Variants in ZNF835 observed in about 807,000 individuals in gnomAD.
The protein encoded by ZNF835 is zinc finger protein 835.
For synonymous variants in ZNF835, 323 were observed against 324.7 expected, an observed-to-expected ratio of 0.99 and a Z score of 0.06; for missense variants, 783 against 758.4, an observed-to-expected ratio of 1.03 and a Z score of -0.38.
At position 56,663,526 on chromosome 19, in the gene ZNF835, G is replaced by T; in HGVS notation, c.*59C>A. ...CCTCGGTTTCCTCACAGGAAGCGTC[G>T]GGGATAACACAGTATCTCCCCCATA... On this transcript the variant is annotated 3_prime_UTR_variant, in exon 2 of 2. Coordinates refer to ENST00000537055, the MANE Select transcript of ZNF835 (RefSeq NM_001005850.3). The T allele has an allele frequency of 1.2e-6, 2 of 1,601,872 alleles. No homozygotes were observed. Among genetic ancestry groups the T allele is most frequent in the Non-Finnish European group, 8.5e-7 (1 of 1,174,854 alleles).
intron 1 of ZNF835, among the ~76,000 whole-genome samples, chr19:56,670,984 G>A (rs969074074): frequency 6.6e-6 from 1 of 152,272 alleles, no homozygotes; most frequent in Non-Finnish European, 1.5e-5. Flanking sequence ...CACCGATAAA[G>A]TGTTACATGC....
At position 56,664,774 on chromosome 19, in the gene ZNF835, T is replaced by C. The variant is rs754243405; in HGVS notation, c.425A>G (p.Glu142Gly). Reference sequence around the variant, plus strand: ...GCTCTGGCTGAAGGCCTTGCCGCACTCGGGGCACGCAAATGGCTTCTCCCC... The same window carrying C: ...GCTCTGGCTGAAGGCCTTGCCGCACCCGGGGCACGCAAATGGCTTCTCCCC... ...HTGEKPFACP[E>G]CGKAFSQSVH... Residue 142 changes from glutamate to glycine, a missense_variant, in exon 2 of 2, where the codon GAG becomes GGG. Physicochemically the swap from Glu to Gly is moderately conservative, Grantham distance 98. Transcript: ENST00000537055. 1 of 1,613,964 alleles carries C rather than the reference T, an allele frequency of 6.2e-7. No individual in the cohort carries two copies. Among genetic ancestry groups the C allele is most frequent in the Non-Finnish European group, 8.5e-7 (1 of 1,179,992 alleles).
At position 56,663,298 on chromosome 19, in the gene ZNF835, G is replaced by T; in HGVS notation, c.*287C>A. The T allele has an allele frequency of 2.1e-6, 1 of 472,664 alleles. No individual in the cohort carries two copies. Among genetic ancestry groups the T allele is most frequent in the Non-Finnish European group, 3.8e-6 (1 of 262,802 alleles). 29.3% of individuals were successfully genotyped at this position (472,664 alleles called of 1,614,324 possible). On this transcript the variant is annotated 3_prime_UTR_variant, in exon 2 of 2. Transcript: ENST00000537055. ...CGCTCCACTGCACTCTAGCCTGGGT[G>T]ACAGAGAGAGACACTGTCTCAAAGA...
In ZNF835 at chr19:56,665,090, G is replaced by C; in HGVS notation, c.109C>G (p.Pro37Ala). Residue 37 changes from proline to alanine, a missense_variant, in exon 2 of 2, where the codon CCA (proline) becomes GCA (alanine). Physicochemically the swap from Pro to Ala is conservative, Grantham distance 27 (BLOSUM62 -1). Transcript: ENST00000537055. The part of the protein sequence containing the change: ...LQENQESCPE[P>A]EAVACKGDPA... ...TCTCCCTTGCAGGCCACGGCCTCTG[G>C]CTCTGGACAGCTTTCCTGGTTTTCC... is the stretch of plus-strand genomic sequence containing the variant. The C allele has an allele frequency of 1.2e-6, 2 of 1,613,964 alleles. No homozygotes were observed. The highest frequency in any genetic ancestry group is 1.7e-6 in the Non-Finnish European group (2 of 1,179,878).
At chr19:56,667,449 A>C (rs2045255670) in intron 1 of ZNF835, among the ~76,000 whole-genome samples, 1 of 152,118 alleles carries the variant, frequency 6.6e-6, no homozygotes. Flanking sequence ...ACCTGCTCTG[A>C]GGCTCTGCCT....
intron 1 of ZNF835, among the ~76,000 whole-genome samples, chr19:56,669,392 C>T (rs922476251): frequency 2.6e-5 from 4 of 152,084 alleles, no homozygotes; most frequent in East Asian, 1.9e-4. Flanking sequence ...CACTGGCCAT[C>T]GGTGATGAAC....
Position 56,664,149 on chromosome 19 carries a change from C to A in ZNF835, c.1050G>T (p.Thr350=). The change falls in exon 2 of 2, where the codon ACG becomes ACT. Residue 350 remains threonine, a synonymous_variant. Coordinates refer to ENST00000537055, the MANE Select transcript of ZNF835 (RefSeq NM_001005850.3). ...CTCCGGTGTGCGTGCGCTGGTGCTGCGTCAGGTGCGACACCTGGGTGAAGG... is the reference window on the plus strand; with the variant it reads ...CTCCGGTGTGCGTGCGCTGGTGCTGAGTCAGGTGCGACACCTGGGTGAAGG... The part of the protein sequence containing the change: ...AKAFTQVSHL[T]QHQRTHTGER... The A allele has an allele frequency of 6.2e-7, 1 of 1,607,528 alleles. No homozygotes were observed. Among genetic ancestry groups the A allele is most frequent in the South Asian group, 1.1e-5 (1 of 90,850 alleles).
intron 1 of ZNF835, among the ~76,000 whole-genome samples, chr19:56,667,974 C>CTTT (rs767163861): frequency 1.3e-5 from 2 of 152,190 alleles, no homozygotes; most frequent in Admixed American, 6.5e-5. Context: ...TTCTTTCTTT[C>CTTT]TTTTTTTGTT....
rs370721788 is a variant in ZNF835, at chr19:56,663,994, A to G, written c.1205T>C (p.Val402Ala). The G allele has an allele frequency of 9.3e-6, 15 of 1,609,944 alleles. No homozygotes were observed. The African/African-American group carries it at 1.9e-4, about 20-fold the overall frequency. The change falls in exon 2 of 2, where the codon GTG becomes GCG. Residue 402 changes from valine to alanine, a missense_variant. Val to Ala is a moderately conservative substitution (Grantham distance 64). Coordinates refer to ENST00000537055, the MANE Select transcript of ZNF835 (RefSeq NM_001005850.3). The stretch of plus-strand genomic sequence containing the variant: ...CTTCTGGTGCTCTATAAGCGAGGAC[A>G]CGTGGCTGAAGGCGGCCCCGCATTG... Reference protein sequence around the residue: ...CLQCGAAFSHVSSLIEHQKIH... With the variant: ...CLQCGAAFSHASSLIEHQKIH...
chr19:56,669,312 C>T (rs774070258), intron 1 of ZNF835, among the ~76,000 whole-genome samples: 9 of 152,114 alleles, frequency 5.9e-5, no homozygotes, highest in Admixed American at 2.0e-4. Flanking sequence ...CCCCAGAGCT[C>T]GGCAAACCCT....
Position 56,665,404 on chromosome 19 carries a change from CTG to C in ZNF835, c.-47-161_-47-160del, listed in dbSNP as rs773410022. The C allele has an allele frequency of 6.3e-6, 5 of 790,216 alleles. No individual in the cohort carries two copies. The South Asian group carries it at 6.7e-5, about 11-fold the overall frequency. The allele number at this position is 790,216 out of a possible 1,614,324, so 49.0% of individuals were successfully genotyped here. ...ATAATTTGGTGTGGTGGGACCCATC[CTG>C]TGTGTTGTGAGATGTTGAGCAGCGT... On this transcript the variant is annotated intron_variant, in intron 1 of 1. Transcript: ENST00000537055.
Position 56,663,996 on chromosome 19 carries a change from G to A in ZNF835, c.1203C>T (p.His401=), listed in dbSNP as rs375191518. ...RCLQCGAAFS[H]VSSLIEHQKI... ...TCTGGTGCTCTATAAGCGAGGACAC[G>A]TGGCTGAAGGCGGCCCCGCATTGCA... The change falls in exon 2 of 2, where the codon CAC becomes CAT. Residue 401 remains histidine, a synonymous_variant. Transcript: ENST00000537055. The A allele has an allele frequency of 2.2e-5, 35 of 1,612,046 alleles. No homozygotes were observed. The highest frequency in any genetic ancestry group is 1.3e-5 in the African/African-American group (1 of 74,738).
Position 56,664,845 on chromosome 19 carries a change from G to A in ZNF835, c.354C>T (p.Ala118=). 1 of 1,613,834 alleles carries A rather than the reference G, an allele frequency of 6.2e-7. No homozygotes were observed. The highest frequency in any genetic ancestry group is 8.5e-7 in the Non-Finnish European group (1 of 1,179,822). The part of the protein sequence containing the change: ...KPWKCGDCGK[A]FSYCSAFILH... ...AGATGAACGCTGAACAGTAGCTGAA[G>A]GCCTTCCCGCAGTCCCCGCATTTCC... The change falls in exon 2 of 2, where the codon GCC becomes GCT. Residue 118 remains alanine, a synonymous_variant. Coordinates refer to ENST00000537055, the MANE Select transcript of ZNF835 (RefSeq NM_001005850.3).
At chr19:56,666,250 G>A (rs1600632015) in intron 1 of ZNF835, among the ~76,000 whole-genome samples, 1 of 152,154 alleles carries the variant, frequency 6.6e-6, no homozygotes, top group East Asian at 1.9e-4. Context: ...GGGACTACAG[G>A]TGCACGCCAC....
intron 1 of ZNF835, among the ~76,000 whole-genome samples, chr19:56,668,983 C>T (rs1278336828): frequency 6.6e-6 from 1 of 152,054 alleles, no homozygotes; most frequent in Non-Finnish European, 1.5e-5. Context: ...CAAGGGGAGA[C>T]ACAGGCTTGC....
intron 1 of ZNF835, among the ~76,000 whole-genome samples, chr19:56,668,866 G>A (rs546777593): frequency 5.9e-4 from 90 of 152,222 alleles, no homozygotes; most frequent in Admixed American, 2.0e-3. Context: ...CACGTCCACC[G>A]GCATCCCCGG....
In ZNF835 at chr19:56,671,609, G is replaced by C. The variant is rs2045294375; in HGVS notation, c.-81C>G. 6.6e-6 allele frequency: 1 copy of C among 152,470 alleles called. No homozygotes were observed. Among genetic ancestry groups the C allele is most frequent in the Non-Finnish European group, 1.5e-5 (1 of 68,264 alleles). 9.4% of individuals were successfully genotyped at this position (152,470 alleles called of 1,614,324 possible). On this transcript the variant is annotated 5_prime_UTR_variant, in exon 1 of 2. Transcript: ENST00000537055. The stretch of plus-strand genomic sequence containing the variant: ...TCGCCTCCCGGTATCACCTTCGAAC[G>C]CGCTGGCCGGCCCCCTCCTAGCCTG...
In ZNF835 at chr19:56,662,316, A is replaced by T. The variant is rs1241020901; in HGVS notation, c.*1269T>A. 2 of 152,260 alleles carry T rather than the reference A, an allele frequency of 1.3e-5. No homozygotes were observed. The highest frequency in any genetic ancestry group is 2.9e-5 in the Non-Finnish European group (2 of 68,060). The allele number at this position is 152,260 out of a possible 1,614,324, so 9.4% of individuals were successfully genotyped here. ...CAGACCAAGCCTGGTCCAGACCAACAGAACCAGCAGCTGACCTCCAGATGC... is the reference window on the plus strand; with the variant it reads ...CAGACCAAGCCTGGTCCAGACCAACTGAACCAGCAGCTGACCTCCAGATGC... On this transcript the variant is annotated 3_prime_UTR_variant, in exon 2 of 2. Coordinates refer to ENST00000537055, the MANE Select transcript of ZNF835 (RefSeq NM_001005850.3).
rs745711922 is a variant in ZNF835 at position 56,664,416 on chromosome 19, G to A, written c.783C>T (p.Phe261=). The change falls in exon 2 of 2, where the codon TTC becomes TTT. Residue 261 remains phenylalanine (F), a synonymous_variant. Transcript: ENST00000537055. ...GCTGGTGGCGGATGAGCGCTGAGGA[G>A]AAGCGGAAGGCCTTGGCGCACGCGG... The part of the protein sequence containing the change: ...ECSACAKAFR[F]SSALIRHQRI... The A allele has an allele frequency of 1.1e-5, 18 of 1,610,836 alleles. No individual in the cohort carries two copies.
Sources: allele counts gnomAD v4.1 joint callset (sites outside exome capture counted in the v4.1 genomes callset), GRCh38; gene constraint gnomAD v4.1.1; transcripts MANE v1.5; gene names NCBI Gene and HGNC (gene_info 2026-07-23, HGNC 2026-07-21).